Variants in PRSS21 observed in about 807,000 individuals in gnomAD.
The protein encoded by PRSS21 is serine protease 21, also known as testisin.
PRSS21 carries 40 observed loss-of-function variants against 31.1 expected under a neutral mutation model. The ratio of observed to expected loss-of-function variants is 1.29; its 90% CI spans 1.00 to 1.68. The LOEUF is 1.68. Among genes scored for constraint, PRSS21 ranks in the 40% most tolerant of loss-of-function variants. The pLI is 0.00. For synonymous variants in PRSS21, 186 were observed against 167.7 expected (o/e 1.11, Z -0.84); for missense variants, 467 against 412.6 (o/e 1.13, Z -1.14).
chr16:2,817,638 CG>C lies in PRSS21; in HGVS notation c.92-162del. 8.0e-7 allele frequency: 1 copy of C among 1,256,172 alleles called. No homozygotes were observed. Among genetic ancestry groups the C allele is most frequent in the Non-Finnish European group, 1.1e-6 (1 of 919,826 alleles). 77.8% of individuals were successfully genotyped at this position (1,256,172 alleles called of 1,614,324 possible). On this transcript the variant is annotated intron_variant, in intron 2 of 5. Coordinates refer to ENST00000005995, the MANE Select transcript of PRSS21 (RefSeq NM_006799.4). This position sits in a 1 kb window ranked among gnomAD's most constrained non-coding sequence, Gnocchi z 4.2. ...GGGGATGGGCGGGCCCTGCAGAGCA[CG>C]TGGGAGGATCTCCAGTGTCACCTAC...
rs2069091341 is a variant in PRSS21 at position 2,817,375 on chromosome 16, C to A, written c.64+43C>A. On this transcript the variant is annotated intron_variant, in intron 1 of 5. Coordinates refer to ENST00000005995, the MANE Select transcript of PRSS21 (RefSeq NM_006799.4). This position sits in a 1 kb window ranked among gnomAD's most constrained non-coding sequence, Gnocchi z 4.2. ...CTGGCGGGATGGGGAGGCGGGGGAG[C>A]GGTGGGGAGGACGGGAGGTGGAGGC... 1.9e-6 allele frequency: 2 copies of A among 1,038,566 alleles called. No individual in the cohort carries two copies. The highest frequency in any genetic ancestry group is 3.0e-6 in the Non-Finnish European group (2 of 674,088). The allele number at this position is 1,038,566 out of a possible 1,614,324, so 64.3% of individuals were successfully genotyped here. A position where few individuals can be genotyped will look rare whatever the true frequency, so the allele number is the denominator to read the frequency against.
In PRSS21 at chr16:2,820,939, A is replaced by C. The variant is rs770861568; in HGVS notation, c.551-16A>C. On this transcript the variant is annotated splice_polypyrimidine_tract_variant and intron_variant, in intron 4 of 5. Coordinates refer to ENST00000005995, the MANE Select transcript of PRSS21 (RefSeq NM_006799.4). The stretch of plus-strand genomic sequence containing the variant: ...TCAGGTTGCTGTCTCTCTCCTTCCC[A>C]CTATCGTCCGCACAGCACTGCCATC... The C allele has an allele frequency of 6.2e-7, 1 of 1,611,682 alleles. No individual in the cohort carries two copies. The highest frequency in any genetic ancestry group is 1.7e-5 in the Admixed American group (1 of 59,990).
chr16:2,821,179 T>C (rs1249307359), intron 5 of PRSS21, 70 bp downstream of exon 5: 4 of 1,590,078 alleles, frequency 2.5e-6, no homozygotes, highest in South Asian at 2.3e-5. Flanking sequence ...TTGACCCTCA[T>C]GCCAACCCCG....
At position 2,817,900 on chromosome 16, in the gene PRSS21, C is replaced by T; in HGVS notation, c.191C>T (p.Ser64Phe). 6.5e-7 allele frequency: 1 copy of T among 1,549,538 alleles called. No individual in the cohort carries two copies. ...CAGGGGAGCCTGCGCCTGTGGGATT[C>T]CCACGTATGCGGAGTGAGCCTGCTC... ...PWQGSLRLWD[S>F]HVCGVSLLSH... Residue 64 changes from serine (S) to phenylalanine (F), a missense_variant, in exon 3 of 6, where the codon TCC becomes TTC. Physicochemically the swap from Ser to Phe is radical, Grantham distance 155. Transcript: ENST00000005995. This position sits in a 1 kb window ranked among gnomAD's most constrained non-coding sequence, Gnocchi z 4.2.
chr16:2,820,035 G>A (rs933825819), intron 4 of PRSS21, among the ~76,000 whole-genome samples: 1 of 152,120 alleles, frequency 6.6e-6, no homozygotes, highest in Non-Finnish European at 1.5e-5. Context: ...CCCCAGCCCA[G>A]GGTAGACAGG....
In PRSS21 at chr16:2,819,060, G is replaced by T. The variant is rs951079126; in HGVS notation, c.550+91G>T. On this transcript the variant is annotated intron_variant, in intron 4 of 5. Coordinates refer to ENST00000005995, the MANE Select transcript of PRSS21 (RefSeq NM_006799.4). Reference sequence around the variant, plus strand: ...CAATAGCCCCCTGCTTGGTCTGGGGGTGCAGGCTATGCCCCTCTTGCTTGC... The same window carrying T: ...CAATAGCCCCCTGCTTGGTCTGGGGTTGCAGGCTATGCCCCTCTTGCTTGC... 7.6e-6 allele frequency: 11 copies of T among 1,448,834 alleles called. No homozygotes were observed. The South Asian group carries it at 1.2e-4, about 15-fold the overall frequency. The allele number at this position is 1,448,834 out of a possible 1,614,324, so 89.7% of individuals were successfully genotyped here. A position where few individuals can be genotyped will look rare whatever the true frequency, so the allele number is the denominator to read the frequency against.
At position 2,821,600 on chromosome 16, in the gene PRSS21, G is replaced by A; in HGVS notation, c.940G>A (p.Val314Ile). 2.5e-6 allele frequency: 4 copies of A among 1,612,078 alleles called. No homozygotes were observed. Among genetic ancestry groups the A allele is most frequent in the Non-Finnish European group, 3.4e-6 (4 of 1,179,600 alleles). Residue 314 changes from valine to isoleucine, a missense_variant, in exon 6 of 6, where the codon GTC becomes ATC. Coordinates refer to ENST00000005995, the MANE Select transcript of PRSS21 (RefSeq NM_006799.4). ...LLWALPLLGP[V>I] ...CTGGGCTCTCCCACTCCTGGGGCCGGTCTGAGCCTACCTGAGCCCATGCAG... is the reference window on the plus strand; with the variant it reads ...CTGGGCTCTCCCACTCCTGGGGCCGATCTGAGCCTACCTGAGCCCATGCAG...
chr16:2,820,959 G>A lies in PRSS21; in HGVS notation c.555G>A (p.Leu185=), dbSNP rs2069162219. 1.2e-6 allele frequency: 2 copies of A among 1,613,250 alleles called. No individual in the cohort carries two copies. The highest frequency in any genetic ancestry group is 1.7e-6 in the Non-Finnish European group (2 of 1,179,922). The change falls in exon 5 of 6, where the codon CTG becomes CTA. Residue 185 remains leucine, a synonymous_variant. Coordinates refer to ENST00000005995, the MANE Select transcript of PRSS21 (RefSeq NM_006799.4). ...TTCCCACTATCGTCCGCACAGCACT[G>A]CCATCTCCCCACACCCTCCAGGAAG... ...GWGYIKEDEA[L]PSPHTLQEVQ...
In PRSS21 at chr16:2,817,802, A is replaced by G; in HGVS notation, c.93A>G (p.Gly31=). 1 of 1,549,602 alleles carries G rather than the reference A, an allele frequency of 6.5e-7. No homozygotes were observed. Among genetic ancestry groups the G allele is most frequent in the Non-Finnish European group, 8.7e-7 (1 of 1,146,784 alleles). ...CAGCAGTTCCTCTGACCATCCGAGG[A>G]CCATGCGGCCGACGGGTCATCACGT... ...PESQEAAPLS[G]PCGRRVITSR... Residue 31 remains glycine (G), a splice_region_variant and synonymous_variant, in exon 3 of 6, where the codon GGA becomes GGG. Transcript: ENST00000005995. This position sits in a 1 kb window ranked among gnomAD's most constrained non-coding sequence, Gnocchi z 4.2.
intron 5 of PRSS21, 73 bp from the exon 6 acceptor site, chr16:2,821,293 C>T (rs2069171191): frequency 6.3e-7 from 1 of 1,582,394 alleles, no homozygotes; most frequent in Non-Finnish European, 8.6e-7. Context: ...GCCCCATAGC[C>T]CTTCCCACTC....
At position 2,818,689 on chromosome 16, in the gene PRSS21, T is replaced by G. The variant is rs1245858973; in HGVS notation, c.270T>G (p.Leu90=). 1 of 1,614,066 alleles carries G rather than the reference T, an allele frequency of 6.2e-7. No individual in the cohort carries two copies. The highest frequency in any genetic ancestry group is 8.5e-7 in the Non-Finnish European group (1 of 1,179,940). ...TCTCTTCTGCCAGCTATAGTGACCT[T>G]AGTGATCCCTCCGGGTGGATGGTCC... is the stretch of plus-strand genomic sequence containing the variant. ...AAHCFETYSD[L]SDPSGWMVQF... is the part of the protein sequence containing the mutation. Residue 90 remains leucine, a synonymous_variant, in exon 4 of 6, where the codon CTT becomes CTG. Coordinates refer to ENST00000005995, the MANE Select transcript of PRSS21 (RefSeq NM_006799.4).
chr16:2,817,876 A>G lies in PRSS21; in HGVS notation c.167A>G (p.Gln56Arg). Reference protein sequence around the residue: ...EDAELGRWPWQGSLRLWDSHV... With the variant: ...EDAELGRWPWRGSLRLWDSHV... ...GCCGAACTCGGGCGTTGGCCGTGGC[A>G]GGGGAGCCTGCGCCTGTGGGATTCC... is the stretch of plus-strand genomic sequence containing the variant. The change falls in exon 3 of 6, where the codon CAG becomes CGG. Residue 56 changes from glutamine (Q) to arginine (R), a missense_variant. Coordinates refer to ENST00000005995, the MANE Select transcript of PRSS21 (RefSeq NM_006799.4). The surrounding 1 kb of genome is among the most constrained non-coding windows in gnomAD (Gnocchi z 4.2). The G allele has an allele frequency of 2.6e-6, 4 of 1,549,856 alleles. No individual in the cohort carries two copies. The highest frequency in any genetic ancestry group is 3.5e-6 in the Non-Finnish European group (4 of 1,147,060).
Position 2,821,052 on chromosome 16 carries a change from C to A in PRSS21, c.648C>A (p.Asp216Glu), listed in dbSNP as rs775582173. ...TCCTCAAGTACAGTTTCCGCAAGGA[C>A]ATCTTTGGAGACATGGTTTGTGCTG... ...HLFLKYSFRKDIFGDMVCAGN... is the reference protein window; with the variant it reads ...HLFLKYSFRKEIFGDMVCAGN... The change falls in exon 5 of 6, where the codon GAC becomes GAA. Residue 216 changes from aspartate to glutamate, a missense_variant. Coordinates refer to ENST00000005995, the MANE Select transcript of PRSS21 (RefSeq NM_006799.4). 6.8e-6 allele frequency: 11 copies of A among 1,614,180 alleles called. No homozygotes were observed. Among genetic ancestry groups the A allele is most frequent in the Non-Finnish European group, 9.3e-6 (11 of 1,180,030 alleles).
intron 4 of PRSS21, among the ~76,000 whole-genome samples, chr16:2,819,705 C>G (rs544060164): frequency 1.3e-5 from 2 of 152,368 alleles, no homozygotes; most frequent in South Asian, 4.1e-4. Flanking sequence ...AGCAGTGAGC[C>G]AGGCGCGGCC....
At chr16:2,819,289 C>G (rs1199717876) in intron 4 of PRSS21, among the ~76,000 whole-genome samples, 1 of 152,146 alleles carries the variant, frequency 6.6e-6, no homozygotes, top group Admixed American at 6.5e-5. Context: ...TCCCCCAGTG[C>G]TCACCAATGC....
At chr16:2,820,056 C>T (rs904224018) in intron 4 of PRSS21, among the ~76,000 whole-genome samples, 11 of 152,204 alleles carry the variant, frequency 7.2e-5, no homozygotes, top group Non-Finnish European at 1.6e-4. Flanking sequence ...TCACACCAAC[C>T]CCAGGCTGTG....
chr16:2,817,399 G>T lies in PRSS21; in HGVS notation c.65-31G>T. 6.3e-7 allele frequency: 1 copy of T among 1,594,528 alleles called. No homozygotes were observed. The highest frequency in any genetic ancestry group is 8.5e-7 in the Non-Finnish European group (1 of 1,174,860). On this transcript the variant is annotated intron_variant, in intron 1 of 5. Coordinates refer to ENST00000005995, the MANE Select transcript of PRSS21 (RefSeq NM_006799.4). The surrounding 1 kb of genome is among the most constrained non-coding windows in gnomAD (Gnocchi z 4.2). ...GCGGTGGGGAGGACGGGAGGTGGAGGCCGCGGGGAGTCACTTCTTGTCTCC... is the reference window on the plus strand; with the variant it reads ...GCGGTGGGGAGGACGGGAGGTGGAGTCCGCGGGGAGTCACTTCTTGTCTCC...
Position 2,818,874 on chromosome 16 carries a change from A to G in PRSS21, c.455A>G (p.His152Arg). The part of the protein sequence containing the change: ...KLSAPVTYTK[H>R]IQPICLQAST... Reference sequence around the variant, plus strand: ...TCTGCACCTGTCACCTACACTAAACACATCCAGCCCATCTGTCTCCAGGCC... The same window carrying G: ...TCTGCACCTGTCACCTACACTAAACGCATCCAGCCCATCTGTCTCCAGGCC... The change falls in exon 4 of 6, where the codon CAC (histidine) becomes CGC (arginine). Residue 152 changes from histidine (H) to arginine (R), a missense_variant. Physicochemically the swap from His to Arg is conservative, Grantham distance 29 (BLOSUM62 0). Coordinates refer to ENST00000005995, the MANE Select transcript of PRSS21 (RefSeq NM_006799.4). 6.2e-7 allele frequency: 1 copy of G among 1,614,140 alleles called. No homozygotes were observed. Among genetic ancestry groups the G allele is most frequent in the Non-Finnish European group, 8.5e-7 (1 of 1,179,992 alleles).
chr16:2,817,461 G>A lies in PRSS21; in HGVS notation c.91+5G>A. 1.9e-6 allele frequency: 3 copies of A among 1,588,788 alleles called. No individual in the cohort carries two copies. The highest frequency in any genetic ancestry group is 2.6e-6 in the Non-Finnish European group (3 of 1,174,036). On this transcript the variant is annotated splice_donor_5th_base_variant and intron_variant, in intron 2 of 5. Transcript: ENST00000005995. The surrounding 1 kb of genome is among the most constrained non-coding windows in gnomAD (Gnocchi z 4.2). ...AGGAGGCGGCGCCGTTATCAGGTAGGGCGCCCAGGACGCGCGATTCCTGCC... is the reference window on the plus strand; with the variant it reads ...AGGAGGCGGCGCCGTTATCAGGTAGAGCGCCCAGGACGCGCGATTCCTGCC...
Sources: allele counts gnomAD v4.1 joint callset (sites outside exome capture counted in the v4.1 genomes callset), GRCh38; gene constraint gnomAD v4.1.1; non-coding constraint Gnocchi (gnomAD v3.1); transcripts MANE v1.5; gene names NCBI Gene and HGNC (gene_info 2026-07-23, HGNC 2026-07-21).